Variants in ZMYND11 observed in about 807,000 individuals in gnomAD.
ZMYND11 encodes zinc finger MYND-type containing 11, also known as zinc finger MYND domain-containing protein 11.
ZMYND11 carries 9 observed loss-of-function variants against 84.9 expected under a neutral mutation model. That is an observed-to-expected ratio of 0.11 (90% CI 0.06 to 0.18). The LOEUF (loss-of-function observed/expected upper bound fraction) is 0.18. ZMYND11 is among the 10% of genes least tolerant of loss of function. The pLI is 1.00. For missense variants in ZMYND11, 409 were observed against 761.0 expected (o/e 0.54, Z 5.44); for synonymous variants, 250 against 244.1 (o/e 1.02, Z -0.23).
chr10:202,587 T>C (rs1487914325), intron 2 of ZMYND11, among the ~76,000 whole-genome samples: 1 of 152,128 alleles, frequency 6.6e-6, no homozygotes, highest in African/African-American at 2.4e-5. Flanking sequence ...TGCATCAGTA[T>C]AGGAGGAAGC....
At chr10:237,774 T>C (rs1178556275) in intron 6 of ZMYND11, 97 bp downstream of exon 6, 1 of 853,770 alleles carries the variant, frequency 1.2e-6, no homozygotes, top group African/African-American at 1.7e-5. Flanking sequence ...GTTGCTCTTC[T>C]TTCCTTGAAA....
At chr10:238,617 A>G (rs1364509932) in intron 6 of ZMYND11, among the ~76,000 whole-genome samples, 3 of 152,132 alleles carry the variant, frequency 2.0e-5, no homozygotes, top group Non-Finnish European at 2.9e-5. Flanking sequence ...CGGCCTCCCA[A>G]AGTGCTGGGA....
chr10:222,155 AGTTT>A (rs1330783066), intron 4 of ZMYND11, among the ~76,000 whole-genome samples: 1 of 152,198 alleles, frequency 6.6e-6, no homozygotes. Context: ...CGTGATTTCC[AGTTT>A]GTTAATATGC....
intron 1 of ZMYND11, chr10:154,978 T>G (rs1588493615): frequency 6.6e-6 from 1 of 152,372 alleles, no homozygotes; most frequent in Middle Eastern, 3.4e-3. Flanking sequence ...TTTTTCCATG[T>G]AATTTTCTCT....
chr10:133,527 A>G (rs183157456), upstream of ZMYND11, among the ~76,000 whole-genome samples: 1,234 of 152,310 alleles, frequency 8.1e-3, 15 homozygotes, highest in African/African-American at 0.028. Flanking sequence ...TATAACTGGG[A>G]AAAAAATGTG....
chr10:165,731 A>G (rs1554763522), intron 1 of ZMYND11, among the ~76,000 whole-genome samples: 1 of 152,100 alleles, frequency 6.6e-6, no homozygotes, highest in Non-Finnish European at 1.5e-5. Flanking sequence ...CTGTAGCCAG[A>G]GTTAACTTAA....
At position 205,869 on chromosome 10, in the gene ZMYND11, T is replaced by C. The variant is rs56139790; in HGVS notation, c.117-4020T>C. Among the ~76,000 whole-genome samples the C allele has an allele frequency of 4.8e-3, 733 of 152,242 alleles. 4 individuals carry two copies. The highest frequency in any genetic ancestry group is 0.017 in the African/African-American group (695 of 41,560). On this transcript the variant is annotated intron_variant, in intron 2 of 14. Coordinates refer to ENST00000381604, the MANE Select transcript of ZMYND11 (RefSeq NM_001370100.5). ...ATTAATATCTGGTTTAATTTCACCA[T>C]GATTAACAATGGCGTGTATAACTTT...
At chr10:242,197 G>A in intron 10 of ZMYND11, 58 bp downstream of exon 10, 3 of 1,570,480 alleles carry the variant, frequency 1.9e-6, no homozygotes, top group South Asian at 1.2e-5. Flanking sequence ...CCTTAAGAAA[G>A]TTTGATGATT....
Position 248,670 on chromosome 10 carries a change from C to G in ZMYND11, c.1500+62C>G. On this transcript the variant is annotated intron_variant, in intron 13 of 14. Transcript: ENST00000381604. ...CCGGCACTCCTGTCATGGTTAGGCTCCTTTCACTCATGCATCAACCCAGTA... is the reference window on the plus strand; with the variant it reads ...CCGGCACTCCTGTCATGGTTAGGCTGCTTTCACTCATGCATCAACCCAGTA... 5 of 1,526,506 alleles carry G rather than the reference C, an allele frequency of 3.3e-6. No individual in the cohort carries two copies. In the South Asian group the frequency reaches 5.2e-5, roughly 16 times the overall value. The allele number at this position is 1,526,506 out of a possible 1,614,324, so 94.6% of individuals were successfully genotyped here.
chr10:153,206 C>T (rs1840841015), intron 1 of ZMYND11, among the ~76,000 whole-genome samples: 1 of 152,172 alleles, frequency 6.6e-6, no homozygotes. Flanking sequence ...TACTGTTATA[C>T]AACCTACAAA....
At chr10:236,339 G>A (rs1413579336) in intron 4 of ZMYND11, among the ~76,000 whole-genome samples, 1 of 152,246 alleles carries the variant, frequency 6.6e-6, no homozygotes. Flanking sequence ...TTATTACTGA[G>A]TAGATCCATG....
At chr10:170,181 A>G (rs1457690303) in intron 1 of ZMYND11, among the ~76,000 whole-genome samples, 5 of 152,144 alleles carry the variant, frequency 3.3e-5, no homozygotes, top group African/African-American at 9.7e-5. Flanking sequence ...CAGCAAAACT[A>G]TATCTTTCAT....
chr10:250,011 TA>T (rs552542465), intron 14 of ZMYND11, among the ~76,000 whole-genome samples: 1 of 152,214 alleles, frequency 6.6e-6, no homozygotes, highest in East Asian at 1.9e-4. Context: ...TATTTTCTGT[TA>T]AAAAAACAAC....
chr10:175,972 T>C (rs782417781), intron 1 of ZMYND11, among the ~76,000 whole-genome samples: 25 of 152,240 alleles, frequency 1.6e-4, no homozygotes, highest in Admixed American at 3.3e-4. Context: ...CTCTCTTCCC[T>C]GCACCCTCAA....
intron 1 of ZMYND11, among the ~76,000 whole-genome samples, chr10:140,742 CAGAT>C (rs756936798): frequency 1.3e-5 from 2 of 152,142 alleles, no homozygotes; most frequent in South Asian, 2.1e-4. Flanking sequence ...TGTGTTCAAT[CAGAT>C]AGAAGTAGAA....
intron 1 of ZMYND11, among the ~76,000 whole-genome samples, chr10:170,097 C>T (rs1554765213): frequency 6.6e-6 from 1 of 151,996 alleles, no homozygotes; most frequent in African/African-American, 2.4e-5. Flanking sequence ...TCTTCAGAAA[C>T]CATGCAAGCA....
At chr10:213,950 A>C (rs1266617092) in intron 3 of ZMYND11, among the ~76,000 whole-genome samples, 1 of 152,208 alleles carries the variant, frequency 6.6e-6, no homozygotes, top group Non-Finnish European at 1.5e-5. Flanking sequence ...TCTAGCAATC[A>C]TGTAACAAAA....
chr10:237,663 C>T lies in ZMYND11; in HGVS notation c.595C>T (p.Pro199Ser), dbSNP rs1366091446. ...GCTGGTGCACTCAGCTGTGGACGTT[C>T]CCACCATTCAAGAGGTAAAGTCGGT... ...RRLVHSAVDV[P>S]TIQEKVNEGK... Residue 199 changes from proline to serine, a missense_variant, in exon 6 of 15, where the codon CCC becomes TCC. Coordinates refer to ENST00000381604, the MANE Select transcript of ZMYND11 (RefSeq NM_001370100.5). The T allele has an allele frequency of 6.2e-7, 1 of 1,609,234 alleles. No homozygotes were observed.
At chr10:192,247 G>A (rs1940639534) in intron 2 of ZMYND11, among the ~76,000 whole-genome samples, 1 of 152,146 alleles carries the variant, frequency 6.6e-6, no homozygotes, top group Non-Finnish European at 1.5e-5. Flanking sequence ...GGGGTGAAGT[G>A]TGCTAAGTAG....
Sources: gnomAD v4.1 joint callset for allele counts (sites outside exome capture counted in the v4.1 genomes callset) on GRCh38, gnomAD v4.1.1 for gene constraint, MANE v1.5 for transcripts, NCBI Gene and HGNC (gene_info 2026-07-23, HGNC 2026-07-21) for gene names.